The following LAPTM4B variants were observed in gnomAD, a reference collection of about 807,000 sequenced individuals.
LAPTM4B encodes lysosomal-associated transmembrane protein 4B.
A neutral mutation model predicts 28.5 loss-of-function variants in LAPTM4B; 26 were observed. That is an observed-to-expected ratio of 0.91 (90% CI 0.67 to 1.27). The LOEUF is 1.27. Ranked by LOEUF, LAPTM4B falls within the 50% of genes most tolerant of loss-of-function variation. The probability of loss-of-function intolerance (pLI) is 0.00; values close to 1 mark genes in which losing one functional copy is unlikely to be tolerated. For missense variants in LAPTM4B, 288 were observed against 285.8 expected (o/e 1.01, Z -0.06); for synonymous variants, 109 against 106.4 (o/e 1.02, Z -0.15).
chr8:97,797,173 T>A (rs1816602337), intron 1 of LAPTM4B, among the ~76,000 whole-genome samples: 2 of 151,884 alleles, frequency 1.3e-5, no homozygotes, highest in Admixed American at 6.6e-5. Flanking sequence ...TTGTTCTTAT[T>A]GCGCAGGCTG....
intron 6 of LAPTM4B, among the ~76,000 whole-genome samples, chr8:97,836,372 G>C (rs766755344): frequency 4.6e-5 from 7 of 152,052 alleles, no homozygotes; most frequent in Non-Finnish European, 8.8e-5. Context: ...GTAGAGACAG[G>C]GTTTCACCAT....
intron 2 of LAPTM4B, among the ~76,000 whole-genome samples, chr8:97,812,892 A>G (rs1300381548): frequency 1.3e-5 from 2 of 152,230 alleles, no homozygotes; most frequent in Non-Finnish European, 1.5e-5. Flanking sequence ...GATTTGGAAC[A>G]GCACCAGAAG....
At chr8:97,796,498 C>G (rs149855482) in intron 1 of LAPTM4B, among the ~76,000 whole-genome samples, 1 of 152,144 alleles carries the variant, frequency 6.6e-6, no homozygotes, top group East Asian at 1.9e-4. Flanking sequence ...TATTATTGAT[C>G]ATTGTCTTAG....
intron 6 of LAPTM4B, among the ~76,000 whole-genome samples, chr8:97,842,158 T>A (rs1164094939): frequency 6.6e-6 from 1 of 152,218 alleles, no homozygotes; most frequent in Non-Finnish European, 1.5e-5. Context: ...TGTGGCTAAG[T>A]CCCGATAAAG....
intron 6 of LAPTM4B, among the ~76,000 whole-genome samples, chr8:97,838,315 G>C (rs960504776): frequency 6.6e-6 from 1 of 152,208 alleles, no homozygotes; most frequent in Non-Finnish European, 1.5e-5. Context: ...GTTCCATCCA[G>C]TGAGGGTTGA....
intron 1 of LAPTM4B, 105 bp from the exon 2 acceptor site, chr8:97,805,248 G>T (rs1816741249): frequency 1.5e-6 from 1 of 649,058 alleles, no homozygotes; most frequent in Non-Finnish European, 2.7e-6. Context: ...TGAAGAAGTT[G>T]CCTGTGGCCA....
intron 5 of LAPTM4B, among the ~76,000 whole-genome samples, chr8:97,823,939 A>G (rs1466070003): frequency 1.3e-5 from 2 of 151,716 alleles, no homozygotes; most frequent in Non-Finnish European, 1.5e-5. Context: ...AACTCAGGTA[A>G]TCCACCAGCC....
In LAPTM4B at chr8:97,846,452, C is replaced by G. The variant is rs534062551; in HGVS notation, c.604-4945C>G. ...AAGCAATCCTACTGCGTCAGCCTCC[C>G]GAGTAGCTGGGATTACAGGCATGCG... On this transcript the variant is annotated intron_variant, in intron 6 of 6. Coordinates refer to ENST00000521545, the MANE Select transcript of LAPTM4B (RefSeq NM_018407.6). Among the ~76,000 whole-genome samples the G allele has an allele frequency of 2.6e-5, 4 of 152,072 alleles. No homozygotes were observed. The East Asian group carries it at 7.8e-4, about 30-fold the overall frequency.
At chr8:97,822,582 A>G (rs537695990) in intron 5 of LAPTM4B, among the ~76,000 whole-genome samples, 1 of 150,854 alleles carries the variant, frequency 6.6e-6, no homozygotes, top group East Asian at 1.9e-4. Context: ...AGGCACAACC[A>G]TGTTCATCAT....
rs1390373842 is a variant in LAPTM4B, at chr8:97,794,256, AG to A, written c.100-11095del. Among the ~76,000 whole-genome samples the A allele has an allele frequency of 2.6e-5, 4 of 152,310 alleles. No homozygotes were observed. In the East Asian group the frequency reaches 7.7e-4, roughly 29 times the overall value. Reference sequence around the variant, plus strand: ...TGGCCTCCCAAAGTGGTGGGATTACAGGTGTGAGCCACTGCACCCGGCCCAA... The same window carrying A: ...TGGCCTCCCAAAGTGGTGGGATTACAGTGTGAGCCACTGCACCCGGCCCAA... On this transcript the variant is annotated intron_variant, in intron 1 of 6. Coordinates refer to ENST00000521545, the MANE Select transcript of LAPTM4B (RefSeq NM_018407.6).
At chr8:97,790,032 G>A (rs1287121799) in intron 1 of LAPTM4B, among the ~76,000 whole-genome samples, 1 of 152,164 alleles carries the variant, frequency 6.6e-6, no homozygotes, top group Non-Finnish European at 1.5e-5. Flanking sequence ...CATCCATGTT[G>A]TTGCAAATGA....
chr8:97,784,097 GTGAT>G lies in LAPTM4B; in HGVS notation c.99+7994_99+7997del, dbSNP rs771645750. On this transcript the variant is annotated intron_variant, in intron 1 of 6. Transcript: ENST00000521545. ...AAGACCAACATCCTGTATTTGTAGA[GTGAT>G]TGATAGCTTTCGGTGGGCATTCACA... 2.6e-4 allele frequency among the ~76,000 whole-genome samples: 40 copies of G among 152,160 alleles called. 1 individual carries two copies. Among genetic ancestry groups the G allele is most frequent in the Non-Finnish European group, 5.6e-4 (38 of 68,042 alleles).
chr8:97,815,068 A>G (rs4735503), intron 2 of LAPTM4B, among the ~76,000 whole-genome samples: 68,676 of 152,072 alleles, frequency 0.45, 16,000 homozygotes, highest in East Asian at 0.58. Context: ...AGTTTACAAA[A>G]TAGAAGTTAG....
chr8:97,831,049 C>CT (rs774888443), intron 6 of LAPTM4B, among the ~76,000 whole-genome samples: 202 of 152,222 alleles, frequency 1.3e-3, no homozygotes, highest in Non-Finnish European at 2.1e-3. Context: ...ATTGTCCAGT[C>CT]TTTTTTGCGT....
intron 6 of LAPTM4B, among the ~76,000 whole-genome samples, chr8:97,831,961 C>T (rs1220350081): frequency 6.6e-6 from 1 of 152,084 alleles, no homozygotes; most frequent in South Asian, 2.1e-4. Context: ...ACCCCCACGC[C>T]TTTGGTCACA....
rs574328057 is a variant in LAPTM4B, at chr8:97,837,193, C to T, written c.603+12040C>T. ...AAAAATTTGATGTTTTTCCTCCTGCCACTTTTTTTTTTTTTTTTGGAGACA... is the reference window on the plus strand; with the variant it reads ...AAAAATTTGATGTTTTTCCTCCTGCTACTTTTTTTTTTTTTTTTGGAGACA... On this transcript the variant is annotated intron_variant, in intron 6 of 6. Coordinates refer to ENST00000521545, the MANE Select transcript of LAPTM4B (RefSeq NM_018407.6). 7.9e-4 allele frequency among the ~76,000 whole-genome samples: 104 copies of T among 130,864 alleles called. 1 individual carries two copies. In the South Asian group the frequency reaches 0.023, roughly 29 times the overall value. 85.9% of individuals were successfully genotyped at this position (130,864 alleles called of 152,430 possible).
At chr8:97,796,977 A>T (rs72671595) in intron 1 of LAPTM4B, among the ~76,000 whole-genome samples, 1 of 150,028 alleles carries the variant, frequency 6.7e-6, no homozygotes, top group Non-Finnish European at 1.5e-5. Flanking sequence ...TAAAATAAAG[A>T]AATGGCCGGG....
At chr8:97,818,182 G>A (rs1162552992) in intron 4 of LAPTM4B, among the ~76,000 whole-genome samples, 1 of 152,180 alleles carries the variant, frequency 6.6e-6, no homozygotes, top group Non-Finnish European at 1.5e-5. Flanking sequence ...TTATTTCTTA[G>A]ATATTTTGTC....
At chr8:97,777,406 A>C (rs1017752035) in intron 1 of LAPTM4B, among the ~76,000 whole-genome samples, 9 of 151,968 alleles carry the variant, frequency 5.9e-5, no homozygotes, top group African/African-American at 1.9e-4. Flanking sequence ...TTGGACTCCC[A>C]AAGTGCTGAG....
Sources: gnomAD v4.1 joint callset for allele counts (sites outside exome capture counted in the v4.1 genomes callset) on GRCh38, gnomAD v4.1.1 for gene constraint, MANE v1.5 for transcripts, NCBI Gene and HGNC (gene_info 2026-07-23, HGNC 2026-07-21) for gene names.